MYO10: variants seen among roughly 807,000 people sequenced by gnomAD.
MYO10 encodes myosin X, also known as unconventional myosin-X.
In MYO10, 133 loss-of-function variants were observed where a neutral mutation model predicts 257.3. The ratio of observed to expected loss-of-function variants is 0.52; its 90% CI spans 0.45 to 0.60. MYO10 has a LOEUF of 0.60. MYO10 is among the 20% of genes least tolerant of loss of function. MYO10 has a pLI of 0.00. For synonymous variants in MYO10, 1,104 were observed against 1,028.6 expected, an observed-to-expected ratio of 1.07 and a Z score of -1.40; for missense variants, 2,399 against 2,635.7, an observed-to-expected ratio of 0.91 and a Z score of 1.97.
chr5:16,751,990 G>A (rs77879573), intron 19 of MYO10, among the ~76,000 whole-genome samples: 47 of 152,264 alleles, frequency 3.1e-4, no homozygotes, highest in African/African-American at 1.1e-3. Context: ...AAATAAGGTC[G>A]GTTCTGCAAT....
intron 1 of MYO10, chr5:16,902,399 G>T: frequency 8.1e-7 from 1 of 1,238,426 alleles, no homozygotes; most frequent in Non-Finnish European, 1.2e-6. Flanking sequence ...TGACTACTTT[G>T]CTGAGAACTG....
intron 9 of MYO10, among the ~76,000 whole-genome samples, chr5:16,772,503 T>C (rs1350384377): frequency 6.6e-6 from 1 of 152,160 alleles, no homozygotes; most frequent in Non-Finnish European, 1.5e-5. Context: ...TAGCTTTTTG[T>C]AAAAAAGCAA....
At chr5:16,912,802 GCACACACACACACACA>G (rs70943817) in intron 1 of MYO10, among the ~76,000 whole-genome samples, 14 of 111,646 alleles carry the variant, frequency 1.3e-4, no homozygotes, top group South Asian at 7.3e-4. Flanking sequence ...CTACCACCCT[GCACACACACACACACA>G]CACACACACA....
intron 1 of MYO10, among the ~76,000 whole-genome samples, chr5:16,918,001 G>A (rs534480319): frequency 5.2e-4 from 79 of 152,214 alleles, no homozygotes; most frequent in Non-Finnish European, 7.8e-4. Context: ...TACAGAATAC[G>A]TATTCCATAG....
At position 16,689,385 on chromosome 5, in the gene MYO10, C is replaced by A. The variant is rs978291158; in HGVS notation, c.3896+439G>T. On this transcript the variant is annotated intron_variant, in intron 28 of 40. Coordinates refer to ENST00000513610, the MANE Select transcript of MYO10 (RefSeq NM_012334.3). ...TCTTCAATATTAAGATCTTTAAAAC[C>A]CCCCAGTGCCATAGCACTATCAGTT... is the stretch of plus-strand genomic sequence containing the variant. Among the ~76,000 whole-genome samples the A allele has an allele frequency of 6.6e-5, 10 of 152,034 alleles. 1 individual carries two copies. The highest frequency in any genetic ancestry group is 1.2e-4 in the Non-Finnish European group (8 of 68,012).
In MYO10 at chr5:16,748,202, C is replaced by T. The variant is rs191673123; in HGVS notation, c.1929+6626G>A. 2.5e-3 allele frequency among the ~76,000 whole-genome samples: 385 copies of T among 151,982 alleles called. 1 individual carries two copies. The highest frequency in any genetic ancestry group is 4.6e-3 in the Non-Finnish European group (312 of 67,950). On this transcript the variant is annotated intron_variant, in intron 19 of 40. Transcript: ENST00000513610. ...CTCCCACCTCAGCCTCTCAGGTAGC[C>T]GGGACTACAGGTGTACACTACCACT... is the stretch of plus-strand genomic sequence containing the variant.
chr5:16,832,257 T>C (rs1743184153), intron 2 of MYO10, among the ~76,000 whole-genome samples: 1 of 152,164 alleles, frequency 6.6e-6, no homozygotes, highest in South Asian at 2.1e-4. Flanking sequence ...GTGTTTTTAA[T>C]ACTTTTCTAT....
At chr5:16,893,855 G>A (rs1745145802) in intron 1 of MYO10, among the ~76,000 whole-genome samples, 1 of 152,026 alleles carries the variant, frequency 6.6e-6, no homozygotes, top group Non-Finnish European at 1.5e-5. Flanking sequence ...TGAAATTGGA[G>A]GGGACTCTTC....
chr5:16,849,428 TA>T (rs1743735619), intron 2 of MYO10, among the ~76,000 whole-genome samples: 1 of 152,200 alleles, frequency 6.6e-6, no homozygotes, highest in Non-Finnish European at 1.5e-5. Context: ...TTTGTATGTA[TA>T]AAAGCACAAG....
At chr5:16,881,555 A>G (rs1301830266) in intron 1 of MYO10, among the ~76,000 whole-genome samples, 1 of 152,248 alleles carries the variant, frequency 6.6e-6, no homozygotes, top group Non-Finnish European at 1.5e-5. Flanking sequence ...GGTCTATCAC[A>G]AACAGCTGTC....
At position 16,780,617 on chromosome 5, in the gene MYO10, A is replaced by G; in HGVS notation, c.742-9T>C. The G allele has an allele frequency of 6.4e-7, 1 of 1,566,488 alleles. No individual in the cohort carries two copies. The highest frequency in any genetic ancestry group is 8.7e-7 in the Non-Finnish European group (1 of 1,151,830). ...TGCCTTACTACTCGGTTCTGGGAAG[A>G]TAAATCAGATTTATATTCAGAGATG... is the stretch of plus-strand genomic sequence containing the variant. On this transcript the variant is annotated splice_polypyrimidine_tract_variant and intron_variant, in intron 7 of 40. Transcript: ENST00000513610.
chr5:16,667,862 G>C (rs1331087005), intron 40 of MYO10, among the ~76,000 whole-genome samples: 1 of 152,176 alleles, frequency 6.6e-6, no homozygotes, highest in East Asian at 1.9e-4. Flanking sequence ...CTGCACCCAG[G>C]ATGGTCATGC....
intron 18 of MYO10, 68 bp from the exon 19 acceptor site, chr5:16,754,976 G>T (rs1740486175): frequency 4.0e-6 from 4 of 996,576 alleles, no homozygotes; most frequent in Admixed American, 4.9e-5. Context: ...CAGTACTCTA[G>T]GCACTTAGAA....
Position 16,758,149 on chromosome 5 carries a change from T to A in MYO10, c.1817A>T (p.His606Leu), listed in dbSNP as rs760756295. ...NQDTLKCGSK[H>L]RRPTVSSQFK... ...CTGTGAGCTGACTGTAGGCCGCCGATGTTTGCTTCCACATTTCAAGGTATC... is the reference window on the plus strand; with the variant it reads ...CTGTGAGCTGACTGTAGGCCGCCGAAGTTTGCTTCCACATTTCAAGGTATC... The change falls in exon 18 of 41, where the codon CAT becomes CTT. Residue 606 changes from histidine (H) to leucine (L), a missense_variant. Transcript: ENST00000513610. 6.2e-7 allele frequency: 1 copy of A among 1,613,318 alleles called. No homozygotes were observed. Among genetic ancestry groups the A allele is most frequent in the South Asian group, 1.1e-5 (1 of 91,064 alleles).
rs766438499 is a variant in MYO10, at chr5:16,818,112, G to A, written c.176C>T (p.Pro59Leu). 2 of 1,612,138 alleles carry A rather than the reference G, an allele frequency of 1.2e-6. No homozygotes were observed. The highest frequency in any genetic ancestry group is 2.2e-5 in the South Asian group (2 of 90,790). The change falls in exon 3 of 41, where the codon CCC (proline) becomes CTC (leucine). Residue 59 changes from proline (P) to leucine (L), a missense_variant. By Grantham distance (98) the Pro-to-Leu change is moderately conservative (BLOSUM62 -3). Around this residue, in one of 3 missense-constraint regions of MYO10, gnomAD observed 242 missense variants for 249.5 expected, o/e 0.97. Coordinates refer to ENST00000513610, the MANE Select transcript of MYO10 (RefSeq NM_012334.3). Reference protein sequence around the residue: ...ITHQKVTAMHPTNEEGVDDMA... With the variant: ...ITHQKVTAMHLTNEEGVDDMA... ...GTCATCCACGCCCTCCTCGTTCGTG[G>A]GGTGCATAGCAGTCACCTTCTGGTG...
intron 2 of MYO10, among the ~76,000 whole-genome samples, chr5:16,821,448 T>G (rs1282781954): frequency 8.6e-4 from 5 of 5,788 alleles, no homozygotes; most frequent in Admixed American, 1.7e-3. Flanking sequence ...ATTTTCTTTT[T>G]TTTTTTTTTT....
chr5:16,818,976 T>G (rs1207735387), intron 2 of MYO10, among the ~76,000 whole-genome samples: 11 of 152,210 alleles, frequency 7.2e-5, no homozygotes, highest in Admixed American at 7.2e-4. Flanking sequence ...TCACATAATT[T>G]CAAAGCTTTA....
chr5:16,866,016 C>CACACAA (rs2126750654), intron 2 of MYO10, among the ~76,000 whole-genome samples: 1 of 16,554 alleles, frequency 6.0e-5, no homozygotes, highest in African/African-American at 9.2e-5. Context: ...TTTACCCAAA[C>CACACAA]ACACACACAC....
chr5:16,917,841 C>T (rs952231550), intron 1 of MYO10, among the ~76,000 whole-genome samples: 4 of 152,202 alleles, frequency 2.6e-5, no homozygotes, highest in Non-Finnish European at 4.4e-5. Context: ...CATCACTGCA[C>T]TCCGGCCTAG....
Sources: gnomAD v4.1 joint callset for allele counts (sites outside exome capture counted in the v4.1 genomes callset) on GRCh38, gnomAD v4.1.1 for gene constraint, gnomAD v4.1.1 regional missense constraint, MANE v1.5 for transcripts, NCBI Gene and HGNC (gene_info 2026-07-23, HGNC 2026-07-21) for gene names.